LTBP3: variants seen among roughly 807,000 people sequenced by gnomAD.
The protein encoded by LTBP3 is latent-transforming growth factor beta-binding protein 3.
LTBP3 carries 97 observed loss-of-function variants against 159.7 expected under a neutral mutation model. That is an observed-to-expected ratio of 0.61 (90% confidence interval 0.52 to 0.72). The LOEUF is 0.72. LTBP3 is among the 30% of genes least tolerant of loss of function. The pLI, the probability that LTBP3 is intolerant of heterozygous loss-of-function variation, is 0.00. For synonymous variants in LTBP3, 824 were observed against 777.1 expected, an observed-to-expected ratio of 1.06 and a Z score of -1.00; for missense variants, 1,584 against 1,864.3, an observed-to-expected ratio of 0.85 and a Z score of 2.77.
rs1246072463 is a variant in LTBP3 at position 65,539,462 on chromosome 11, G to A, written c.3629-3C>T. ...ATCCTCCTCTGAACTGTCCTCATCT[G>A]CGTGGCCCGGAACAATATGGACTTC... On this transcript the variant is annotated splice_region_variant and splice_polypyrimidine_tract_variant and intron_variant, in intron 26 of 27. Transcript: ENST00000301873. 4 of 1,569,996 alleles carry A rather than the reference G, an allele frequency of 2.5e-6. No individual in the cohort carries two copies. The highest frequency in any genetic ancestry group is 2.7e-5 in the African/African-American group (2 of 73,616).
intron 21 of LTBP3, 76 bp downstream of exon 21, chr11:65,540,795 C>G (rs1417938642): frequency 6.6e-7 from 1 of 1,511,226 alleles, no homozygotes; most frequent in Admixed American, 1.9e-5. Context: ...GCTGACCCAG[C>G]GAGTCCCGGC....
chr11:65,539,954 G>A (rs1856006502), intron 24 of LTBP3, 59 bp downstream of exon 24: 3 of 1,459,116 alleles, frequency 2.1e-6, no homozygotes, highest in Middle Eastern at 2.1e-4. Flanking sequence ...CCCCACCTGC[G>A]CGGGGGCCAC....
In LTBP3 at chr11:65,540,151, C is replaced by A. The variant is rs547719458; in HGVS notation, c.3247G>T (p.Val1083Leu). Residue 1083 changes from valine to leucine, a missense_variant and splice_region_variant, in exon 24 of 28, where the codon GTG (valine) becomes TTG (leucine). Val to Leu is a conservative substitution (Grantham distance 32). This residue lies in a region of LTBP3 where 514 missense variants were observed against 530.3 expected (regional missense o/e 0.97). Coordinates refer to ENST00000301873, the MANE Select transcript of LTBP3 (RefSeq NM_001130144.3). ...GCTGCCGGGTCCTGGCACTCGTCCA[C>A]GTCTACGAACAGCGAGGGGGTGGGT... ...RQCLSPEEMD[V>L]DECQDPAACR... The A allele has an allele frequency of 5.9e-5, 90 of 1,532,462 alleles. No homozygotes were observed. Among genetic ancestry groups the A allele is most frequent in the Non-Finnish European group, 7.6e-5 (87 of 1,142,396 alleles). The allele number at this position is 1,532,462 out of a possible 1,614,324, so 94.9% of individuals were successfully genotyped here.
At position 65,557,874 on chromosome 11, in the gene LTBP3, A is replaced by AGCAGCG; in HGVS notation, c.85_86insCGCTGC (p.Leu28_Leu29insProLeu). ...CAGGCCCAGCAGCAGCAGCAGCAGCAGCAGCAGCAGCGCCAGCAGCCCCGC... is the reference window on the plus strand; with the variant it reads ...CAGGCCCAGCAGCAGCAGCAGCAGCAGCAGCGGCAGCAGCAGCGCCAGCAGCCCCGC... On this transcript the variant is annotated inframe_insertion, in exon 1 of 28. Transcript: ENST00000301873. 1 of 1,322,766 alleles carries AGCAGCG rather than the reference A, an allele frequency of 7.6e-7. No individual in the cohort carries two copies. Among genetic ancestry groups the AGCAGCG allele is most frequent in the Non-Finnish European group, 9.7e-7 (1 of 1,028,848 alleles). 81.9% of individuals were successfully genotyped at this position (1,322,766 alleles called of 1,614,324 possible). A position where few individuals can be genotyped will look rare whatever the true frequency, so the allele number is the denominator to read the frequency against.
chr11:65,542,948 GGATGGATGGATGGATGGATGGATGGATA>G (rs1295947311), intron 18 of LTBP3, 129 bp downstream of exon 18: 41 of 892,646 alleles, frequency 4.6e-5, no homozygotes, highest in African/African-American at 4.5e-4. Flanking sequence ...ATGGATGGAT[GGATGGATGGATGGATGGATGGATGGATA>G]GATGGATGGA....
In LTBP3 at chr11:65,540,353, A is replaced by G. The variant is rs1469998547; in HGVS notation, c.3136T>C (p.Cys1046Arg). Residue 1046 changes from cysteine to arginine, a missense_variant, in exon 23 of 28, where the codon TGC (cysteine) becomes CGC (arginine). Coordinates refer to ENST00000301873, the MANE Select transcript of LTBP3 (RefSeq NM_001130144.3). ...DVDECLDESN[C>R]RNGVCENTRG... is the part of the protein sequence containing the mutation. ...GTGTTCTCACACACTCCGTTCCGGC[A>G]GTTGGACTCGTCCAGGCACTCGTCC... 6.3e-7 allele frequency: 1 copy of G among 1,590,928 alleles called. No individual in the cohort carries two copies. The highest frequency in any genetic ancestry group is 2.3e-5 in the East Asian group (1 of 44,124).
chr11:65,545,851 A>T (rs1856341339), intron 16 of LTBP3: 1 of 186,926 alleles, frequency 5.3e-6, no homozygotes, highest in Non-Finnish European at 1.1e-5. Context: ...CTCCCCGGCC[A>T]GCCTCAGCCC....
At position 65,547,599 on chromosome 11, in the gene LTBP3, G is replaced by T. The variant is rs771117102; in HGVS notation, c.1979-32C>A. The T allele has an allele frequency of 3.7e-6, 6 of 1,612,026 alleles. No homozygotes were observed. The Admixed American group carries it at 6.7e-5, about 18-fold the overall frequency. On this transcript the variant is annotated intron_variant, in intron 13 of 27. Transcript: ENST00000301873. The surrounding 1 kb of genome is among the most constrained non-coding windows in gnomAD (Gnocchi z 4.6). ...GGGAGGAAGGGGCCACGAAGGGGGTGTAGGAGGCGGCGGGCAAGGGGAGGG... is the reference window on the plus strand; with the variant it reads ...GGGAGGAAGGGGCCACGAAGGGGGTTTAGGAGGCGGCGGGCAAGGGGAGGG...
At position 65,546,717 on chromosome 11, in the gene LTBP3, A is replaced by AACC; in HGVS notation, c.2230+80_2230+81insGGT. ...CCCCCAGACGCCAATCACCACCGCTACCCCGCCCCGCCCCCAGCGGAGCCA... is the reference window on the plus strand; with the variant it reads ...CCCCCAGACGCCAATCACCACCGCTAACCCCCCGCCCCGCCCCCAGCGGAGCCA... On this transcript the variant is annotated intron_variant, in intron 15 of 27. Transcript: ENST00000301873. This position sits in a 1 kb window ranked among gnomAD's most constrained non-coding sequence, Gnocchi z 4.0. The AACC allele has an allele frequency of 5.9e-6, 9 of 1,519,214 alleles. No homozygotes were observed. Among genetic ancestry groups the AACC allele is most frequent in the Non-Finnish European group, 7.1e-6 (8 of 1,131,112 alleles). 94.1% of individuals were successfully genotyped at this position (1,519,214 alleles called of 1,614,324 possible). A position where few individuals can be genotyped will look rare whatever the true frequency, so the allele number is the denominator to read the frequency against.
In LTBP3 at chr11:65,558,292, C is replaced by A. The variant is rs976572979; in HGVS notation, c.-333G>T. ...GCGGCCGGCCCGCTCCGCGCCTCCC[C>A]CTGGCCGGGCTCCTCTCCCGCGGCC... On this transcript the variant is annotated 5_prime_UTR_variant, in exon 1 of 28. Transcript: ENST00000301873. The A allele has an allele frequency of 3.6e-6, 3 of 835,792 alleles. No individual in the cohort carries two copies. The highest frequency in any genetic ancestry group is 3.6e-5 in the African/African-American group (2 of 55,200). 51.8% of individuals were successfully genotyped at this position (835,792 alleles called of 1,614,324 possible).
Position 65,546,624 on chromosome 11 carries a change from G to T in LTBP3, c.2231-60C>A, listed in dbSNP as rs901534292. On this transcript the variant is annotated intron_variant, in intron 15 of 27. Coordinates refer to ENST00000301873, the MANE Select transcript of LTBP3 (RefSeq NM_001130144.3). The surrounding 1 kb of genome is among the most constrained non-coding windows in gnomAD (Gnocchi z 4.0). Reference sequence around the variant, plus strand: ...CACCGGAAGGCGGACCGCGCACCTCGCGGGGGTGTGGGTCTCTTCCCTGGA... The same window carrying T: ...CACCGGAAGGCGGACCGCGCACCTCTCGGGGGTGTGGGTCTCTTCCCTGGA... 2 of 1,594,372 alleles carry T rather than the reference G, an allele frequency of 1.3e-6. No individual in the cohort carries two copies. The highest frequency in any genetic ancestry group is 1.3e-5 in the African/African-American group (1 of 74,822).
chr11:65,540,853 G>T lies in LTBP3; in HGVS notation c.2977+18C>A. ...GGGGTGAGAGGGCGCGGGGCGGGCG[G>T]AGCCGCAGGGCGCTTACCACGGTGG... On this transcript the variant is annotated intron_variant, in intron 21 of 27. Coordinates refer to ENST00000301873, the MANE Select transcript of LTBP3 (RefSeq NM_001130144.3). 2 of 1,604,176 alleles carry T rather than the reference G, an allele frequency of 1.2e-6. No individual in the cohort carries two copies. Among genetic ancestry groups the T allele is most frequent in the Non-Finnish European group, 1.7e-6 (2 of 1,175,532 alleles).
rs200275447 is a variant in LTBP3, at chr11:65,553,004, C to A, written c.1064-22G>T. The A allele has an allele frequency of 4.6e-5, 75 of 1,614,006 alleles. No individual in the cohort carries two copies. Among genetic ancestry groups the A allele is most frequent in the Non-Finnish European group, 6.2e-5 (73 of 1,180,020 alleles). On this transcript the variant is annotated intron_variant, in intron 5 of 27. Coordinates refer to ENST00000301873, the MANE Select transcript of LTBP3 (RefSeq NM_001130144.3). The surrounding 1 kb of genome is among the most constrained non-coding windows in gnomAD (Gnocchi z 6.5). ...ATGTCTGTGGTAAGTGGAAGTTTGG[C>A]CCCTCTGGTCTGGGGCCATGGGGTG...
chr11:65,539,678 C>T (rs1278340676), intron 25 of LTBP3, 42 bp downstream of exon 25: 3 of 1,580,392 alleles, frequency 1.9e-6, no homozygotes, highest in Non-Finnish European at 2.6e-6. Flanking sequence ...GGGCCCTGGC[C>T]CCCATCCTCG....
Position 65,539,197 on chromosome 11 carries a change from C to T in LTBP3, c.3795G>A (p.Gly1265=). The T allele has an allele frequency of 6.6e-7, 1 of 1,524,816 alleles. No homozygotes were observed. The highest frequency in any genetic ancestry group is 8.8e-7 in the Non-Finnish European group (1 of 1,132,388). The allele number at this position is 1,524,816 out of a possible 1,614,324, so 94.5% of individuals were successfully genotyped here. ...CGCAGCGCTCGCTCTTGCACAGCAG[C>T]CCGCGCTGGTTCAGCTCTCGGCACT... is the stretch of plus-strand genomic sequence containing the variant. The part of the protein sequence containing the change: ...IDECRELNQR[G]LLCKSERCVN... Residue 1265 remains glycine, a synonymous_variant, in exon 28 of 28, where the codon GGG becomes GGA. Transcript: ENST00000301873.
rs757073399 is a variant in LTBP3 at position 65,557,983 on chromosome 11, G to C, written c.-24C>G. ...ATCCGGGGCCGCAGGACCCGGGGGA[G>C]GGGGGGCGCGCCCGGGCGGGGCGAG... On this transcript the variant is annotated 5_prime_UTR_variant, in exon 1 of 28. Transcript: ENST00000301873. 34 of 1,124,636 alleles carry C rather than the reference G, an allele frequency of 3.0e-5. No homozygotes were observed. The highest frequency in any genetic ancestry group is 3.7e-5 in the Non-Finnish European group (34 of 920,994). The allele number at this position is 1,124,636 out of a possible 1,614,324, so 69.7% of individuals were successfully genotyped here. A position where few individuals can be genotyped will look rare whatever the true frequency, so the allele number is the denominator to read the frequency against.
chr11:65,543,313 T>A, intron 17 of LTBP3, 89 bp from the exon 18 acceptor site: 1 of 1,611,034 alleles, frequency 6.2e-7, no homozygotes, highest in Non-Finnish European at 8.5e-7. Flanking sequence ...GAGCCCTGGG[T>A]CAGTCCCACG....
Position 65,551,663 on chromosome 11 carries a change from G to T in LTBP3, c.1532-99C>A. ...GTATTTGCAGTTAGGGTCTCTGGGAGTTCAACAATCATGTCTCCAGGTCAA... is the reference window on the plus strand; with the variant it reads ...GTATTTGCAGTTAGGGTCTCTGGGATTTCAACAATCATGTCTCCAGGTCAA... On this transcript the variant is annotated intron_variant, in intron 8 of 27. Transcript: ENST00000301873. 9 of 1,467,216 alleles carry T rather than the reference G, an allele frequency of 6.1e-6. No homozygotes were observed. The South Asian group carries it at 1.0e-4, about 17-fold the overall frequency. The allele number at this position is 1,467,216 out of a possible 1,614,324, so 90.9% of individuals were successfully genotyped here.
intron 18 of LTBP3, chr11:65,542,180 A>C (rs2135127598): frequency 3.8e-6 from 1 of 260,210 alleles, no homozygotes; most frequent in Middle Eastern, 1.5e-3. Flanking sequence ...ATGCCTAGGG[A>C]ACTCCTACTT....
Sources: allele counts gnomAD v4.1 joint callset, GRCh38; gene constraint gnomAD v4.1.1; regional missense constraint gnomAD v4.1.1; non-coding constraint Gnocchi (gnomAD v3.1); transcripts MANE v1.5; gene names NCBI Gene and HGNC (gene_info 2026-07-23, HGNC 2026-07-21).